SMG6: variants seen among roughly 807,000 people sequenced by gnomAD.
SMG6 encodes telomerase-binding protein EST1A.
A neutral mutation model predicts 142.2 loss-of-function variants in SMG6; 66 were observed. The observed-to-expected ratio is 0.46, with a 90% CI of 0.38 to 0.57. SMG6 has a LOEUF of 0.57. Among genes scored for constraint, SMG6 ranks in the 20% least tolerant of loss-of-function variants. The pLI, the probability that SMG6 is intolerant of heterozygous loss-of-function variation, is 0.00. For synonymous variants in SMG6, 779 were observed against 702.4 expected (o/e 1.11, Z -1.72); for missense variants, 1,793 against 1,832.0 (o/e 0.98, Z 0.39).
At chr17:2,108,821 G>A (rs1426548927) in intron 13 of SMG6, among the ~76,000 whole-genome samples, 2 of 151,934 alleles carry the variant, frequency 1.3e-5, no homozygotes, top group African/African-American at 4.8e-5. Flanking sequence ...GCGGGCGCCT[G>A]TAATCGCAGC....
chr17:2,177,415 A>G (rs947259510), intron 12 of SMG6, among the ~76,000 whole-genome samples: 1 of 152,108 alleles, frequency 6.6e-6, no homozygotes, highest in Non-Finnish European at 1.5e-5. Context: ...AAAAGAGTGG[A>G]GCACCAACGC....
At chr17:2,276,718 TACC>T (rs1249959667) in intron 8 of SMG6, among the ~76,000 whole-genome samples, 2 of 152,070 alleles carry the variant, frequency 1.3e-5, no homozygotes, top group African/African-American at 2.4e-5. Flanking sequence ...ACCCTCCTTC[TACC>T]ACTTCACAGT....
intron 13 of SMG6, among the ~76,000 whole-genome samples, chr17:2,164,841 G>A (rs1199238751): frequency 2.0e-5 from 3 of 152,126 alleles, no homozygotes; most frequent in Admixed American, 6.5e-5. Context: ...GGAGGCTGAG[G>A]CAGGAGAATT....
intron 10 of SMG6, among the ~76,000 whole-genome samples, chr17:2,219,803 C>CAAAAAAAAAAAAAAAAAA (rs72234069): frequency 3.4e-5 from 4 of 118,074 alleles, no homozygotes; most frequent in Non-Finnish European, 3.5e-5. Flanking sequence ...GACCCTTTAT[C>CAAAAAAAAAAAAAAAAAA]AAAAAAAAAA....
At chr17:2,277,165 ATTT>A (rs763149008) in intron 8 of SMG6, among the ~76,000 whole-genome samples, 2,190 of 63,396 alleles carry the variant, frequency 0.035, 48 homozygotes, top group African/African-American at 0.077. Flanking sequence ...TTATTTATTT[ATTT>A]TTTATTTTTT....
intron 10 of SMG6, among the ~76,000 whole-genome samples, chr17:2,205,541 A>G (rs1397578312): frequency 6.6e-6 from 1 of 152,228 alleles, no homozygotes; most frequent in Non-Finnish European, 1.5e-5. Context: ...AAAAATGTCA[A>G]TCACATGGAT....
chr17:2,129,884 C>A, intron 13 of SMG6, among the ~76,000 whole-genome samples: 1 of 136,748 alleles, frequency 7.3e-6, no homozygotes, highest in African/African-American at 2.7e-5. Flanking sequence ...AAGTTAGAAA[C>A]ATAGAATTTC....
At chr17:2,269,533 C>G (rs2151354088) in intron 8 of SMG6, among the ~76,000 whole-genome samples, 1 of 152,000 alleles carries the variant, frequency 6.6e-6, no homozygotes, top group Non-Finnish European at 1.5e-5. Context: ...TACAGGCCAC[C>G]TGGCCTGGGT....
intron 4 of SMG6, among the ~76,000 whole-genome samples, chr17:2,296,116 A>G (rs1243708097): frequency 1.3e-5 from 2 of 152,188 alleles, no homozygotes; most frequent in African/African-American, 2.4e-5. Flanking sequence ...TTACTAAAAA[A>G]TCAATTAATG....
At chr17:2,187,845 G>A (rs911006095) in intron 11 of SMG6, among the ~76,000 whole-genome samples, 2 of 151,990 alleles carry the variant, frequency 1.3e-5, no homozygotes, top group Non-Finnish European at 2.9e-5. Flanking sequence ...TGATCTAGGA[G>A]CTGAAAAGAA....
At chr17:2,255,580 C>CCGGCCAGCCG (rs2151322629) in intron 8 of SMG6, 1 of 156,172 alleles carries the variant, frequency 6.4e-6, no homozygotes, top group South Asian at 1.9e-4. Flanking sequence ...GCGCCTCCGC[C>CCGGCCAGCCG]CGGCCAGCCG....
At chr17:2,249,095 G>A (rs957619275) in intron 8 of SMG6, among the ~76,000 whole-genome samples, 56 of 150,682 alleles carry the variant, frequency 3.7e-4, no homozygotes, top group East Asian at 7.8e-4. Context: ...GGGTTTCACC[G>A]TGTTAGCCAG....
intron 13 of SMG6, among the ~76,000 whole-genome samples, chr17:2,126,050 G>A (rs1010951162): frequency 6.6e-6 from 1 of 151,916 alleles, no homozygotes; most frequent in Non-Finnish European, 1.5e-5. Context: ...CATGCTTCTG[G>A]ATTTCAAAAC....
chr17:2,289,957 T>C (rs2074996151), intron 6 of SMG6, among the ~76,000 whole-genome samples: 1 of 147,912 alleles, frequency 6.8e-6, no homozygotes, highest in Non-Finnish European at 1.5e-5. Context: ...TATATATATA[T>C]ATATATATGT....
chr17:2,171,731 A>G (rs964984339), intron 13 of SMG6, among the ~76,000 whole-genome samples: 5 of 134,452 alleles, frequency 3.7e-5, no homozygotes, highest in African/African-American at 1.1e-4. Context: ...TGGAATTTTT[A>G]CTTTTTTTTT....
At position 2,300,121 on chromosome 17, in the gene SMG6, G is replaced by A. The variant is rs1443682375; in HGVS notation, c.632C>T (p.Ala211Val). 1.2e-6 allele frequency: 2 copies of A among 1,614,036 alleles called. No individual in the cohort carries two copies. Among genetic ancestry groups the A allele is most frequent in the Admixed American group, 3.3e-5 (2 of 60,004 alleles). Residue 211 changes from alanine (A) to valine (V), a missense_variant, in exon 2 of 19, where the codon GCT becomes GTT. Ala to Val is a moderately conservative substitution (Grantham distance 64, BLOSUM62 0). Coordinates refer to ENST00000263073, the MANE Select transcript of SMG6 (RefSeq NM_017575.5). ...CCTCTTTCCTTTTTCTCCTTTTGCA[G>A]CCCCTACTCTCCCACCACCTGGGCT... ...EKSPGGGRVG[A>V]AKGEKGKRMG... is the part of the protein sequence containing the mutation.
At chr17:2,257,085 TCC>T (rs1418671906) in intron 8 of SMG6, among the ~76,000 whole-genome samples, 4 of 147,096 alleles carry the variant, frequency 2.7e-5, no homozygotes, top group Non-Finnish European at 6.0e-5. Flanking sequence ...AAGGGATTCT[TCC>T]TTTTTTTTTT....
chr17:2,180,823 G>A (rs532055377), intron 12 of SMG6, among the ~76,000 whole-genome samples: 42 of 152,294 alleles, frequency 2.8e-4, no homozygotes, highest in African/African-American at 9.6e-4. Context: ...AAGCAAAGGA[G>A]ACTTCCTCTT....
chr17:2,106,825 A>AT (rs71769762), intron 13 of SMG6, among the ~76,000 whole-genome samples: 44,295 of 143,146 alleles, frequency 0.31, 8,137 homozygotes, highest in African/African-American at 0.53. Flanking sequence ...CTAGGCAGGA[A>AT]TTTTTTTTTT....
Sources: gnomAD v4.1 joint callset for allele counts (sites outside exome capture counted in the v4.1 genomes callset) on GRCh38, gnomAD v4.1.1 for gene constraint, MANE v1.5 for transcripts, NCBI Gene and HGNC (gene_info 2026-07-23, HGNC 2026-07-21) for gene names.